Variants in CFAP54 observed in about 807,000 individuals in gnomAD.
CFAP54 encodes cilia- and flagella-associated protein 54.
Under a neutral mutation model 370.4 loss-of-function variants are expected in CFAP54, and 290 were observed. That is an observed-to-expected ratio of 0.78 (90% CI 0.71 to 0.86). The LOEUF (loss-of-function observed/expected upper bound fraction) is 0.86. Ranked by LOEUF, CFAP54 falls within the 40% of genes least tolerant of loss-of-function variation. CFAP54 has a pLI of 0.00. For missense variants in CFAP54, 3,399 were observed against 3,528.7 expected (o/e 0.96, Z 0.93); for synonymous variants, 1,206 against 1,236.5 (o/e 0.98, Z 0.52).
chr12:96,791,692 T>A (rs1565979619), intron 62 of CFAP54, among the ~76,000 whole-genome samples: 1 of 152,122 alleles, frequency 6.6e-6, no homozygotes, highest in Non-Finnish European at 1.5e-5. Context: ...TATTCACCAG[T>A]GAAAAAAACA....
Position 96,527,407 on chromosome 12 carries a change from C to T in CFAP54, c.1320C>T (p.Val440=). The T allele has an allele frequency of 6.5e-7, 1 of 1,528,048 alleles. No individual in the cohort carries two copies. The highest frequency in any genetic ancestry group is 1.2e-5 in the South Asian group (1 of 82,452). The allele number at this position is 1,528,048 out of a possible 1,614,324, so 94.7% of individuals were successfully genotyped here. The part of the protein sequence containing the change: ...VTDEVEIHDV[V]SELFMAGKEL... ...ATGAAGTGGAGATTCATGATGTTGT[C>T]TCAGAATTGTTTATGGCAGGAAAAG... Residue 440 remains valine (V), a synonymous_variant, in exon 9 of 68, where the codon GTC becomes GTT. Transcript: ENST00000524981.
intron 63 of CFAP54, among the ~76,000 whole-genome samples, chr12:96,806,191 TATATATATATATATATATATATAA>T (rs1958877436): frequency 2.4e-5 from 2 of 84,056 alleles, no homozygotes; most frequent in African/African-American, 9.5e-5. Flanking sequence ...TATATATATA[TATATATATATATATATATATATAA>T]TAACAACATA....
At chr12:96,537,428 G>C (rs941573619) in intron 12 of CFAP54, among the ~76,000 whole-genome samples, 4 of 152,078 alleles carry the variant, frequency 2.6e-5, no homozygotes, top group African/African-American at 9.7e-5. Flanking sequence ...CACAACCTCT[G>C]CCTCCCGGGT....
At chr12:96,680,663 G>A (rs922254612) in intron 40 of CFAP54, among the ~76,000 whole-genome samples, 78 of 151,244 alleles carry the variant, frequency 5.2e-4, no homozygotes, top group African/African-American at 1.9e-3. Flanking sequence ...TGTTGTTGTT[G>A]CCCACCCCCC....
chr12:96,799,366 T>A (rs1958798847), intron 63 of CFAP54, among the ~76,000 whole-genome samples: 1 of 152,246 alleles, frequency 6.6e-6, no homozygotes, highest in South Asian at 2.1e-4. Flanking sequence ...TCAGCATTTT[T>A]ATTTGCTTTT....
intron 38 of CFAP54, 140 bp downstream of exon 38, chr12:96,658,486 C>A: frequency 1.9e-6 from 2 of 1,076,184 alleles, no homozygotes; most frequent in Non-Finnish European, 2.7e-6. Flanking sequence ...TCATTCAAAT[C>A]AACAAACATT....
intron 66 of CFAP54, among the ~76,000 whole-genome samples, chr12:96,849,581 C>T (rs79117279): frequency 0.013 from 1,905 of 152,216 alleles, 37 homozygotes; most frequent in African/African-American, 0.044. Context: ...ATTGTTGGAA[C>T]ACAAAAGCAC....
intron 38 of CFAP54, among the ~76,000 whole-genome samples, chr12:96,661,737 C>T (rs774851345): frequency 7.2e-5 from 11 of 152,156 alleles, no homozygotes; most frequent in Admixed American, 2.0e-4. Flanking sequence ...GATTGACTAA[C>T]GGGGGTGAAT....
chr12:96,694,505 G>GCACACACACACACA (rs199786805), intron 45 of CFAP54, among the ~76,000 whole-genome samples: 1 of 150,456 alleles, frequency 6.6e-6, no homozygotes, highest in African/African-American at 2.4e-5. Flanking sequence ...ACACACACGC[G>GCACACACACACACA]CACACACACA....
intron 11 of CFAP54, 46 bp downstream of exon 11, chr12:96,534,273 T>C: frequency 1.9e-6 from 2 of 1,075,278 alleles, no homozygotes; most frequent in Non-Finnish European, 2.6e-6. Flanking sequence ...TGACGAAATA[T>C]GCTCTTTTAT....
At chr12:96,631,946 T>C (rs1956613925) in intron 32 of CFAP54, among the ~76,000 whole-genome samples, 1 of 151,848 alleles carries the variant, frequency 6.6e-6, no homozygotes, top group Non-Finnish European at 1.5e-5. Context: ...TATTGCTAAG[T>C]TGCTCTTAAA....
rs975753666 is a variant in CFAP54 at position 96,651,725 on chromosome 12, T to C, written c.5010T>C (p.Gly1670=). 3.1e-6 allele frequency: 5 copies of C among 1,613,952 alleles called. No individual in the cohort carries two copies. In the Admixed American group the frequency reaches 5.0e-5, roughly 16 times the overall value. The part of the protein sequence containing the change: ...LDKTFPISQD[G]FLCTSVLPFY... The stretch of plus-strand genomic sequence containing the variant: ...AAACATTTCCTATTAGCCAAGATGG[T>C]TTCCTCTGCACCTCTGTTTTACCAT... Residue 1670 remains glycine (G), a synonymous_variant, in exon 36 of 68, where the codon GGT becomes GGC. Transcript: ENST00000524981.
At chr12:96,673,251 C>T (rs1429099731) in intron 39 of CFAP54, among the ~76,000 whole-genome samples, 1 of 152,108 alleles carries the variant, frequency 6.6e-6, no homozygotes, top group Non-Finnish European at 1.5e-5. Context: ...AAGTGGTGGG[C>T]CTGTGATTCA....
intron 40 of CFAP54, chr12:96,682,257 A>G (rs1241626824): frequency 1.0e-6 from 1 of 985,686 alleles, no homozygotes; most frequent in African/African-American, 1.7e-5. Context: ...AGCACTTCAG[A>G]GTTTTTAGTT....
At chr12:96,800,760 C>T (rs1367035411) in intron 63 of CFAP54, among the ~76,000 whole-genome samples, 4 of 152,182 alleles carry the variant, frequency 2.6e-5, no homozygotes, top group Admixed American at 6.5e-5. Context: ...GTAGAACTCA[C>T]TATGTTCAAA....
At chr12:96,505,219 A>G (rs1955085431) in intron 3 of CFAP54, among the ~76,000 whole-genome samples, 1 of 151,616 alleles carries the variant, frequency 6.6e-6, no homozygotes, top group South Asian at 2.1e-4. Flanking sequence ...GCATACCACC[A>G]TGCCCGGCTA....
chr12:96,570,521 T>G (rs570305417), intron 19 of CFAP54, among the ~76,000 whole-genome samples: 1 of 152,272 alleles, frequency 6.6e-6, no homozygotes, highest in Admixed American at 6.5e-5. Flanking sequence ...TTAACTTAGT[T>G]TATTAAGACA....
At chr12:96,766,289 A>T (rs1958401246) in intron 60 of CFAP54, among the ~76,000 whole-genome samples, 1 of 151,666 alleles carries the variant, frequency 6.6e-6, no homozygotes, top group South Asian at 2.1e-4. Flanking sequence ...TCTTACTTTT[A>T]TTTCCTTCGT....
intron 65 of CFAP54, among the ~76,000 whole-genome samples, chr12:96,821,663 A>G (rs1222173212): frequency 1.3e-5 from 2 of 151,416 alleles, no homozygotes; most frequent in African/African-American, 4.9e-5. Flanking sequence ...AATTACATAT[A>G]AATTTTTCTA....
Sources: gnomAD v4.1 joint callset for allele counts (sites outside exome capture counted in the v4.1 genomes callset) on GRCh38, gnomAD v4.1.1 for gene constraint, MANE v1.5 for transcripts, NCBI Gene and HGNC (gene_info 2026-07-23, HGNC 2026-07-21) for gene names.